DCN: variants seen among roughly 807,000 people sequenced by gnomAD.
DCN encodes bone proteoglycan II.
A neutral mutation model predicts 36.5 loss-of-function variants in DCN; 17 were observed. That is an observed-to-expected ratio of 0.47 (90% CI 0.32 to 0.70). The LOEUF (loss-of-function observed/expected upper bound fraction) is 0.70. Among genes scored for constraint, DCN ranks in the 30% least tolerant of loss-of-function variants. The probability of loss-of-function intolerance (pLI) is 0.04; values close to 1 mark genes in which losing one functional copy is unlikely to be tolerated. For synonymous variants in DCN, 163 were observed against 161.4 expected, an observed-to-expected ratio of 1.01 and a Z score of -0.07; for missense variants, 389 against 430.1, an observed-to-expected ratio of 0.90 and a Z score of 0.84.
At chr12:91,168,464 A>AT (rs1232511336) in intron 2 of DCN, among the ~76,000 whole-genome samples, 1 of 151,910 alleles carries the variant, frequency 6.6e-6, no homozygotes, top group East Asian at 1.9e-4. Flanking sequence ...TAGTTTATTT[A>AT]TTTTTTTCCT....
At chr12:91,164,395 TA>T (rs1469206484) in intron 3 of DCN, among the ~76,000 whole-genome samples, 2 of 19,668 alleles carry the variant, frequency 1.0e-4, no homozygotes, top group African/African-American at 5.0e-4. Flanking sequence ...AAAAGAAGCA[TA>T]ATTCAAAAAA....
chr12:91,181,329 A>G (rs1327102537), intron 1 of DCN, among the ~76,000 whole-genome samples: 1 of 152,150 alleles, frequency 6.6e-6, no homozygotes, highest in Non-Finnish European at 1.5e-5. Context: ...TTCAAGACCC[A>G]GCATCTTAAA....
chr12:91,177,746 G>T (rs1883381681), intron 2 of DCN: 1 of 694,108 alleles, frequency 1.4e-6, no homozygotes, highest in Non-Finnish European at 2.6e-6. Context: ...ACTTTCTAAA[G>T]AATATAAGCA....
At chr12:91,166,286 C>A (rs1882567073) in intron 2 of DCN, among the ~76,000 whole-genome samples, 1 of 151,958 alleles carries the variant, frequency 6.6e-6, no homozygotes, top group Non-Finnish European at 1.5e-5. Context: ...GACACAGTTC[C>A]CATAGAAATA....
chr12:91,160,416 C>T (rs562555102), intron 3 of DCN, among the ~76,000 whole-genome samples: 1 of 151,844 alleles, frequency 6.6e-6, no homozygotes. Context: ...TGATTTTTTT[C>T]TCCAAAGCCA....
At chr12:91,165,912 T>C (rs539670980) in intron 2 of DCN, among the ~76,000 whole-genome samples, 2 of 152,282 alleles carry the variant, frequency 1.3e-5, no homozygotes, top group South Asian at 2.1e-4. Flanking sequence ...CATAAAAATA[T>C]AATTCAGTTT....
intron 3 of DCN, among the ~76,000 whole-genome samples, chr12:91,163,580 T>G (rs1443172827): frequency 6.6e-6 from 1 of 152,186 alleles, no homozygotes; most frequent in African/African-American, 2.4e-5. Flanking sequence ...GTCTCCTCCA[T>G]GAAACCCCTT....
At chr12:91,182,307 C>T (rs1050444658) in intron 1 of DCN, among the ~76,000 whole-genome samples, 1 of 152,098 alleles carries the variant, frequency 6.6e-6, no homozygotes, top group South Asian at 2.1e-4. Context: ...TACAGATATG[C>T]TACTTCAGAA....
chr12:91,169,939 C>CT (rs1371128716), intron 2 of DCN: 1 of 151,892 alleles, frequency 6.6e-6, no homozygotes, highest in African/African-American at 2.4e-5. Flanking sequence ...TGGTGGGTGC[C>CT]TGTAGTCCCA....
Position 91,142,647 on chromosome 12 carries a change from C to T in DCN, c.*3411G>A, listed in dbSNP as rs1880788718. On this transcript the variant is annotated 3_prime_UTR_variant, in exon 8 of 8. Coordinates refer to ENST00000052754, the MANE Select transcript of DCN (RefSeq NM_001920.5). Reference sequence around the variant, plus strand: ...AAAATGCTTTAAAAGATCATGAATACTGTGTTCTGGAAAATCTGTGTCACT... The same window carrying T: ...AAAATGCTTTAAAAGATCATGAATATTGTGTTCTGGAAAATCTGTGTCACT... The T allele has an allele frequency of 6.6e-6, 1 of 152,138 alleles. No individual in the cohort carries two copies. Among genetic ancestry groups the T allele is most frequent in the Admixed American group, 6.6e-5 (1 of 15,266 alleles). 9.4% of individuals were successfully genotyped at this position (152,138 alleles called of 1,614,324 possible). A position where few individuals can be genotyped will look rare whatever the true frequency, so the allele number is the denominator to read the frequency against.
intron 3 of DCN, among the ~76,000 whole-genome samples, chr12:91,163,152 G>T (rs181620552): frequency 6.6e-6 from 1 of 152,310 alleles, no homozygotes; most frequent in East Asian, 1.9e-4. Context: ...TACAGATAGA[G>T]AACTGGGTGA....
chr12:91,154,005 T>C (rs1881601265), intron 5 of DCN, among the ~76,000 whole-genome samples: 2 of 152,148 alleles, frequency 1.3e-5, no homozygotes, highest in Admixed American at 6.5e-5. Flanking sequence ...TAACATATTG[T>C]TCCACTTAAT....
intron 5 of DCN, 45 bp from the exon 6 acceptor site, chr12:91,153,234 T>C: frequency 9.3e-7 from 1 of 1,073,864 alleles, no homozygotes; most frequent in Non-Finnish European, 1.5e-6. Flanking sequence ...ATAAACATTA[T>C]AAGTACAGAA....
At chr12:91,153,044 C>T (rs369031326) in intron 6 of DCN, 52 bp downstream of exon 6, 13 of 934,792 alleles carry the variant, frequency 1.4e-5, no homozygotes, top group Admixed American at 1.4e-4. Flanking sequence ...CATATAAGCA[C>T]TAATATACCT....
intron 6 of DCN, among the ~76,000 whole-genome samples, 186 bp from the exon 7 acceptor site, chr12:91,151,978 G>T (rs570369527): frequency 6.6e-6 from 1 of 152,196 alleles, no homozygotes; most frequent in East Asian, 1.9e-4. Context: ...TAAGGTCTCG[G>T]CTCAAAGTTA....
At chr12:91,158,269 G>A in intron 4 of DCN, 27 bp downstream of exon 4, 1 of 1,425,502 alleles carries the variant, frequency 7.0e-7, no homozygotes, top group Non-Finnish European at 9.9e-7. Context: ...TTGAGTTTTG[G>A]TCTTAAAGTT....
At chr12:91,180,292 A>G (rs1339234312) in intron 1 of DCN, 2 of 124,630 alleles carry the variant, frequency 1.6e-5, no homozygotes, top group Non-Finnish European at 3.2e-5. Flanking sequence ...TAAAAAAAAG[A>G]AGAAAGAAAG....
Position 91,164,601 on chromosome 12 carries a change from T to C in DCN, c.324+4A>G. The C allele has an allele frequency of 2.0e-6, 3 of 1,529,148 alleles. No individual in the cohort carries two copies. Among genetic ancestry groups the C allele is most frequent in the Non-Finnish European group, 2.7e-6 (3 of 1,102,706 alleles). The allele number at this position is 1,529,148 out of a possible 1,614,324, so 94.7% of individuals were successfully genotyped here. A position where few individuals can be genotyped will look rare whatever the true frequency, so the allele number is the denominator to read the frequency against. Reference sequence around the variant, plus strand: ...ATTGTGAGTTAAAAAAAAATAGTTCTTACGTGAAGGTTCTTCAGGTTCTTA... The same window carrying C: ...ATTGTGAGTTAAAAAAAAATAGTTCCTACGTGAAGGTTCTTCAGGTTCTTA... On this transcript the variant is annotated splice_donor_region_variant and intron_variant, in intron 3 of 7. Transcript: ENST00000052754.
At chr12:91,155,344 A>G (rs527649931) in intron 5 of DCN, among the ~76,000 whole-genome samples, 5 of 152,306 alleles carry the variant, frequency 3.3e-5, no homozygotes, top group South Asian at 4.1e-4. Context: ...TTGGCATGAT[A>G]CCCGGAACTA....
Sources: allele counts gnomAD v4.1 joint callset (sites outside exome capture counted in the v4.1 genomes callset), GRCh38; gene constraint gnomAD v4.1.1; transcripts MANE v1.5; gene names NCBI Gene and HGNC (gene_info 2026-07-23, HGNC 2026-07-21).